NEDD4L: variants seen among roughly 807,000 people sequenced by gnomAD.
NEDD4L encodes E3 ubiquitin-protein ligase NEDD4-like.
NEDD4L carries 54 observed loss-of-function variants against 148.9 expected under a neutral mutation model. The observed-to-expected ratio is 0.36, with a 90% CI of 0.29 to 0.45. The LOEUF is 0.45. Ranked by LOEUF, NEDD4L falls within the 20% of genes least tolerant of loss-of-function variation. The probability of loss-of-function intolerance (pLI) is 1.00; values close to 1 mark genes in which losing one functional copy is unlikely to be tolerated. For missense variants in NEDD4L, 856 were observed against 1,233.8 expected (o/e 0.69, Z 4.59); for synonymous variants, 433 against 440.7 (o/e 0.98, Z 0.22).
chr18:58,292,566 TG>T (rs2054926108), intron 5 of NEDD4L, among the ~76,000 whole-genome samples: 1 of 152,228 alleles, frequency 6.6e-6, no homozygotes, highest in African/African-American at 2.4e-5. Context: ...ATTTTTACCT[TG>T]CTCCTGGCTC....
chr18:58,047,854 A>G (rs998282564), intron 1 of NEDD4L, among the ~76,000 whole-genome samples: 2 of 152,198 alleles, frequency 1.3e-5, no homozygotes, highest in African/African-American at 2.4e-5. Flanking sequence ...TAGTTTACTT[A>G]TGAATGTTAC....
At chr18:58,095,096 G>A (rs531944606) in intron 1 of NEDD4L, among the ~76,000 whole-genome samples, 1 of 152,180 alleles carries the variant, frequency 6.6e-6, no homozygotes, top group African/African-American at 2.4e-5. Context: ...TGTTTCACAA[G>A]TTAAGATGTT....
At chr18:58,212,109 C>T (rs1339796647) in intron 2 of NEDD4L, among the ~76,000 whole-genome samples, 1 of 152,088 alleles carries the variant, frequency 6.6e-6, no homozygotes, top group Non-Finnish European at 1.5e-5. Flanking sequence ...TAAAAAGAGA[C>T]ACACTTTGAA....
intron 2 of NEDD4L, among the ~76,000 whole-genome samples, chr18:58,172,450 T>C (rs1245215264): frequency 5.3e-5 from 8 of 152,358 alleles, no homozygotes; most frequent in African/African-American, 1.9e-4. Flanking sequence ...AGCTCCTGTT[T>C]CTTGAGCACT....
intron 5 of NEDD4L, among the ~76,000 whole-genome samples, chr18:58,293,710 T>C (rs2077804681): frequency 6.6e-6 from 1 of 152,218 alleles, no homozygotes; most frequent in African/African-American, 2.4e-5. Context: ...GTTTATTTTA[T>C]AAGATCTCCT....
At chr18:58,092,139 G>T (rs1432033727) in intron 1 of NEDD4L, among the ~76,000 whole-genome samples, 2 of 152,272 alleles carry the variant, frequency 1.3e-5, no homozygotes, top group Non-Finnish European at 2.9e-5. Flanking sequence ...GCAGGGGGCA[G>T]AAGTCAGGGC....
intron 2 of NEDD4L, among the ~76,000 whole-genome samples, chr18:58,239,048 A>C (rs1427072447): frequency 6.6e-6 from 1 of 152,258 alleles, no homozygotes; most frequent in African/African-American, 2.4e-5. Flanking sequence ...TAAAAGTGGA[A>C]AAGAATGAGG....
chr18:58,384,549 C>T (rs1478476278), intron 25 of NEDD4L, among the ~76,000 whole-genome samples: 2 of 152,206 alleles, frequency 1.3e-5, no homozygotes, highest in Non-Finnish European at 2.9e-5. Flanking sequence ...CTCTGACATG[C>T]GTGGTATGTG....
intron 1 of NEDD4L, among the ~76,000 whole-genome samples, chr18:58,120,839 A>G (rs1724774836): frequency 6.6e-6 from 1 of 152,058 alleles, no homozygotes; most frequent in Non-Finnish European, 1.5e-5. Flanking sequence ...CTTTAGTCCA[A>G]CAGATGTAAT....
chr18:58,113,907 C>T (rs1023495643), intron 1 of NEDD4L, among the ~76,000 whole-genome samples: 1 of 151,908 alleles, frequency 6.6e-6, no homozygotes, highest in Admixed American at 6.6e-5. Context: ...TGCCCAAGAC[C>T]GAGATGGCTG....
intron 13 of NEDD4L, 79 bp from the exon 14 acceptor site, chr18:58,340,959 C>T: frequency 7.2e-7 from 1 of 1,382,468 alleles, no homozygotes; most frequent in East Asian, 2.5e-5. Flanking sequence ...AAATAATTAT[C>T]TGGGTGTACC....
At chr18:58,292,365 G>C (rs2054887283) in intron 5 of NEDD4L, among the ~76,000 whole-genome samples, 1 of 152,044 alleles carries the variant, frequency 6.6e-6, no homozygotes, top group Non-Finnish European at 1.5e-5. Flanking sequence ...CCTCTCCTGG[G>C]TGGCATTTTC....
At chr18:58,350,969 C>G in intron 17 of NEDD4L, 22 bp from the exon 18 acceptor site, 1 of 1,566,848 alleles carries the variant, frequency 6.4e-7, no homozygotes, top group Non-Finnish European at 8.7e-7. Context: ...TTTTCTCTCT[C>G]CCTTCCTTCC....
At chr18:58,374,414 A>T (rs117202130) in intron 24 of NEDD4L, among the ~76,000 whole-genome samples, 1 of 152,074 alleles carries the variant, frequency 6.6e-6, no homozygotes. Context: ...AATGTAAATG[A>T]TCAAGTCCTT....
intron 2 of NEDD4L, among the ~76,000 whole-genome samples, chr18:58,223,406 T>A (rs569059690): frequency 2.0e-4 from 30 of 152,324 alleles, no homozygotes; most frequent in African/African-American, 7.2e-4. Context: ...GTAGAAGTTT[T>A]ATTCCAAAGT....
At chr18:58,080,409 GT>G (rs1255029013) in intron 1 of NEDD4L, among the ~76,000 whole-genome samples, 1 of 152,210 alleles carries the variant, frequency 6.6e-6, no homozygotes, top group African/African-American at 2.4e-5. Flanking sequence ...AAGCTTGTGG[GT>G]TTGATATGGG....
intron 5 of NEDD4L, among the ~76,000 whole-genome samples, chr18:58,264,163 T>G (rs1411350603): frequency 6.6e-6 from 1 of 152,132 alleles, no homozygotes; most frequent in Admixed American, 6.6e-5. Flanking sequence ...TGCTAACTTC[T>G]TACTACGGTA....
intron 1 of NEDD4L, among the ~76,000 whole-genome samples, chr18:58,128,531 A>G (rs1464376935): frequency 3.3e-5 from 5 of 152,284 alleles, no homozygotes; most frequent in African/African-American, 1.2e-4. Flanking sequence ...ATTCCATAGC[A>G]TAAACAGTGC....
At chr18:58,263,117 G>A (rs970890911) in intron 5 of NEDD4L, among the ~76,000 whole-genome samples, 7 of 152,248 alleles carry the variant, frequency 4.6e-5, no homozygotes, top group South Asian at 4.2e-4. Flanking sequence ...GATTTGACTC[G>A]TTGCTACACT....
Sources: allele counts gnomAD v4.1 joint callset (sites outside exome capture counted in the v4.1 genomes callset), GRCh38; gene constraint gnomAD v4.1.1; transcripts MANE v1.5; gene names NCBI Gene and HGNC (gene_info 2026-07-23, HGNC 2026-07-21).